The following PASK variants were observed in gnomAD, a reference collection of about 807,000 sequenced individuals.
The protein encoded by PASK is PAS domain-containing serine/threonine-protein kinase.
In PASK, 110 loss-of-function variants were observed where a neutral mutation model predicts 121.0. The ratio of observed to expected loss-of-function variants is 0.91; its 90% CI spans 0.78 to 1.06. The LOEUF is 1.06. Ranked by LOEUF, PASK falls within the 50% of genes least tolerant of loss-of-function variation. The probability of loss-of-function intolerance (pLI) is 0.00; values close to 1 mark genes in which losing one functional copy is unlikely to be tolerated. For missense variants in PASK, 1,643 were observed against 1,702.3 expected (o/e 0.97, Z 0.61); for synonymous variants, 686 against 717.8 (o/e 0.96, Z 0.71).
At chr2:241,124,345 G>A (rs114690839) in intron 10 of PASK, among the ~76,000 whole-genome samples, 2,452 of 152,294 alleles carry the variant, frequency 0.016, 57 homozygotes, top group African/African-American at 0.056. Flanking sequence ...GGCCGGCCAG[G>A]GAAAGACCCC....
At position 241,140,039 on chromosome 2, in the gene PASK, T is replaced by A. The variant is rs372276485; in HGVS notation, c.446A>T (p.Asp149Val). 3.7e-6 allele frequency: 6 copies of A among 1,613,930 alleles called. No individual in the cohort carries two copies. The highest frequency in any genetic ancestry group is 2.2e-5 in the East Asian group (1 of 44,900). The change falls in exon 4 of 18, where the codon GAC becomes GTC. Residue 149 changes from aspartate to valine, a missense_variant. Asp to Val is a radical substitution (Grantham distance 152). Coordinates refer to ENST00000234040, the MANE Select transcript of PASK (RefSeq NM_015148.4). ...AKTTEILVAN[D>V]KACGLLGYSS... Reference sequence around the variant, plus strand: ...GTACCCCAGGAGCCCGCAAGCTTTGTCGTTAGCAACCAGGATCTGAGGAAT... The same window carrying A: ...GTACCCCAGGAGCCCGCAAGCTTTGACGTTAGCAACCAGGATCTGAGGAAT...
intron 9 of PASK, among the ~76,000 whole-genome samples, chr2:241,131,375 GC>G (rs2066122839): frequency 6.6e-6 from 1 of 152,112 alleles, no homozygotes; most frequent in Non-Finnish European, 1.5e-5. Context: ...GTCTCCATCT[GC>G]CGACCTCATG....
Position 241,138,761 on chromosome 2 carries a change from G to C in PASK, c.634C>G (p.Pro212Ala), listed in dbSNP as rs1212081748. 3 of 1,613,898 alleles carry C rather than the reference G, an allele frequency of 1.9e-6. No homozygotes were observed. Among genetic ancestry groups the C allele is most frequent in the Non-Finnish European group, 2.5e-6 (3 of 1,179,952 alleles). ...DIISRSGEKI[P>A]VSVWMKRMRQ... ...ATCCTCTTCATCCACACAGACACTG[G>C]AATCTTCTCCCCACTACGGCTGATG... The change falls in exon 5 of 18, where the codon CCA (proline) becomes GCA (alanine). Residue 212 changes from proline to alanine, a missense_variant. Pro to Ala is a conservative substitution (Grantham distance 27). Around this residue, in one of 3 missense-constraint regions of PASK, gnomAD observed 1,176 missense variants for 1,162.2 expected, o/e 1.01. Coordinates refer to ENST00000234040, the MANE Select transcript of PASK (RefSeq NM_015148.4).
rs756880344 is a variant in PASK at position 241,127,470 on chromosome 2, G to T, written c.1464-19C>A. The stretch of plus-strand genomic sequence containing the variant: ...GTCCACCCTGGGGATAATGACATGG[G>T]TGACCATCATGTAGGGCCACAGATG... On this transcript the variant is annotated intron_variant, in intron 9 of 17. Coordinates refer to ENST00000234040, the MANE Select transcript of PASK (RefSeq NM_015148.4). The T allele has an allele frequency of 6.2e-7, 1 of 1,603,768 alleles. No homozygotes were observed. Among genetic ancestry groups the T allele is most frequent in the Non-Finnish European group, 8.5e-7 (1 of 1,170,754 alleles).
intron 6 of PASK, 24 bp downstream of exon 6, chr2:241,137,929 A>G: frequency 1.9e-6 from 3 of 1,613,346 alleles, no homozygotes; most frequent in Non-Finnish European, 2.5e-6. Flanking sequence ...CCCATCACAC[A>G]GTGCGGGAGG....
intron 14 of PASK, 163 bp downstream of exon 14, chr2:241,114,880 G>C (rs919015990): frequency 3.4e-5 from 52 of 1,523,540 alleles, no homozygotes; most frequent in Non-Finnish European, 4.5e-5. Context: ...TTCAATCATA[G>C]AATTTTCTTC....
At chr2:241,128,172 T>G (rs1465981679) in intron 9 of PASK, among the ~76,000 whole-genome samples, 1 of 152,126 alleles carries the variant, frequency 6.6e-6, no homozygotes, top group African/African-American at 2.4e-5. Context: ...TCCCAGCTAC[T>G]TGGAGGCTGA....
At chr2:241,139,088 A>G (rs190731368) in intron 4 of PASK, among the ~76,000 whole-genome samples, 1 of 152,322 alleles carries the variant, frequency 6.6e-6, no homozygotes, top group African/African-American at 2.4e-5. Flanking sequence ...ACACCAACAC[A>G]TGGTGAATAT....
At chr2:241,110,044 C>G (rs1283040875) in intron 15 of PASK, among the ~76,000 whole-genome samples, 1 of 152,180 alleles carries the variant, frequency 6.6e-6, no homozygotes, top group Middle Eastern at 3.2e-3. Context: ...AAGATGGAAG[C>G]AAAAGGTAGA....
intron 2 of PASK, among the ~76,000 whole-genome samples, chr2:241,141,861 C>T (rs1158573855): frequency 2.0e-5 from 3 of 152,142 alleles, no homozygotes; most frequent in African/African-American, 7.2e-5. Context: ...GGCCATCCAG[C>T]CACTCTCGCC....
intron 1 of PASK, among the ~76,000 whole-genome samples, chr2:241,143,935 C>G (rs2066829066): frequency 6.6e-6 from 1 of 152,234 alleles, no homozygotes; most frequent in African/African-American, 2.4e-5. Flanking sequence ...GATTCAAATG[C>G]TGATACAGGG....
chr2:241,112,142 G>T lies in PASK; in HGVS notation c.3533+98C>A. ...CTGACCACTCAACACTCATCACAAA[G>T]AGGCACAAAGGAAGCCATTTTCCCA... On this transcript the variant is annotated intron_variant, in intron 15 of 17. Coordinates refer to ENST00000234040, the MANE Select transcript of PASK (RefSeq NM_015148.4). The surrounding 1 kb of genome is among the most constrained non-coding windows in gnomAD (Gnocchi z 5.2). 1 of 913,014 alleles carries T rather than the reference G, an allele frequency of 1.1e-6. No homozygotes were observed. The highest frequency in any genetic ancestry group is 2.4e-5 in the East Asian group (1 of 41,086). The allele number at this position is 913,014 out of a possible 1,614,324, so 56.6% of individuals were successfully genotyped here. A position where few individuals can be genotyped will look rare whatever the true frequency, so the allele number is the denominator to read the frequency against.
Position 241,127,467 on chromosome 2 carries a change from T to C in PASK, c.1464-16A>G. The stretch of plus-strand genomic sequence containing the variant: ...ATTGTCCACCCTGGGGATAATGACA[T>C]GGGTGACCATCATGTAGGGCCACAG... On this transcript the variant is annotated splice_polypyrimidine_tract_variant and intron_variant, in intron 9 of 17. Coordinates refer to ENST00000234040, the MANE Select transcript of PASK (RefSeq NM_015148.4). The C allele has an allele frequency of 6.2e-7, 1 of 1,604,890 alleles. No individual in the cohort carries two copies. Among genetic ancestry groups the C allele is most frequent in the Non-Finnish European group, 8.5e-7 (1 of 1,171,706 alleles).
chr2:241,148,996 G>A (rs956129593), intron 1 of PASK, among the ~76,000 whole-genome samples: 3 of 152,052 alleles, frequency 2.0e-5, no homozygotes, highest in Non-Finnish European at 4.4e-5. Flanking sequence ...GGCGCCGGCT[G>A]AGCCCGCAGG....
chr2:241,108,311 G>C lies in PASK; in HGVS notation c.3534-11C>G, dbSNP rs371902898. The C allele has an allele frequency of 3.7e-6, 6 of 1,613,916 alleles. No homozygotes were observed. The highest frequency in any genetic ancestry group is 5.1e-6 in the Non-Finnish European group (6 of 1,179,944). On this transcript the variant is annotated splice_polypyrimidine_tract_variant and intron_variant, in intron 15 of 17. Transcript: ENST00000234040. The surrounding 1 kb of genome is among the most constrained non-coding windows in gnomAD (Gnocchi z 5.2). ...TCCGGCCCTCTGTAGCTGTGAGGAG[G>C]AGGAGGCATCAGGACGCCACGGCAC...
At chr2:241,111,338 G>A (rs1448998475) in intron 15 of PASK, among the ~76,000 whole-genome samples, 1 of 152,190 alleles carries the variant, frequency 6.6e-6, no homozygotes, top group East Asian at 1.9e-4. Context: ...GCAGCAGAGG[G>A]CCAGGAGGGT....
chr2:241,126,932 C>G lies in PASK; in HGVS notation c.1983G>C (p.Leu661Phe), dbSNP rs2065894684. Residue 661 changes from leucine to phenylalanine, a missense_variant, in exon 10 of 18, where the codon TTG becomes TTC. Physicochemically the swap from Leu to Phe is conservative, Grantham distance 22 (BLOSUM62 0). This residue lies in a region of PASK where 1,176 missense variants were observed against 1,162.2 expected (regional missense o/e 1.01). Coordinates refer to ENST00000234040, the MANE Select transcript of PASK (RefSeq NM_015148.4). ...TCAACTGGGACAGCTGCTCCTTAAT[C>G]AAGCAGGTCTGCAGCTCTTCTCGGT... ...ENDREELQTCLIKEQLSQLSL... is the reference protein window; with the variant it reads ...ENDREELQTCFIKEQLSQLSL... The G allele has an allele frequency of 6.2e-7, 1 of 1,614,034 alleles. No individual in the cohort carries two copies. Among genetic ancestry groups the G allele is most frequent in the Admixed American group, 1.7e-5 (1 of 60,002 alleles).
At position 241,127,042 on chromosome 2, in the gene PASK, C is replaced by G. The variant is rs775120867; in HGVS notation, c.1873G>C (p.Asp625His). The change falls in exon 10 of 18, where the codon GAC becomes CAC. Residue 625 changes from aspartate (D) to histidine (H), a missense_variant. This residue lies in a region of PASK where 1,176 missense variants were observed against 1,162.2 expected (regional missense o/e 1.01). Transcript: ENST00000234040. ...SEWGLWWRSQ[D>H]LAPSPSGMAG... is the part of the protein sequence containing the mutation. Reference sequence around the variant, plus strand: ...ATCCCAGAGGGGCTGGGGGCCAAGTCCTGGCTTCGCCACCACAAGCCCCAT... The same window carrying G: ...ATCCCAGAGGGGCTGGGGGCCAAGTGCTGGCTTCGCCACCACAAGCCCCAT... 3 of 1,614,146 alleles carry G rather than the reference C, an allele frequency of 1.9e-6. No individual in the cohort carries two copies. In the South Asian group the frequency reaches 3.3e-5, roughly 18 times the overall value.
Position 241,138,674 on chromosome 2 carries a change from AG to A in PASK, c.720del (p.Trp241GlyfsTer37), listed in dbSNP as rs769567942. 13 of 1,613,988 alleles carry A rather than the reference AG, an allele frequency of 8.1e-6. No homozygotes were observed. Among genetic ancestry groups the A allele is most frequent in the East Asian group, 2.2e-5 (1 of 44,898 alleles). ...VVLEPVERVSTWVAFQSDGTV... is the reference protein window; with the variant it reads ...VVLEPVERVSXWVAFQSDGTV... The stretch of plus-strand genomic sequence containing the variant: ...CTCACATCGCTCTGGAAAGCGACCC[AG>A]GTCGAGACCCTCTCCACGGGCTCCA... On this transcript the variant is annotated frameshift_variant, in exon 5 of 18. Transcript: ENST00000234040. LOFTEE classifies it high-confidence loss of function.
Sources: allele counts gnomAD v4.1 joint callset (sites outside exome capture counted in the v4.1 genomes callset), GRCh38; gene constraint gnomAD v4.1.1; regional missense constraint gnomAD v4.1.1; non-coding constraint Gnocchi (gnomAD v3.1); transcripts MANE v1.5; gene names NCBI Gene and HGNC (gene_info 2026-07-23, HGNC 2026-07-21).